Variants in SNRNP70 observed in about 807,000 individuals in gnomAD.
SNRNP70 encodes U1 small nuclear ribonucleoprotein 70 kDa.
Under a neutral mutation model 50.5 loss-of-function variants are expected in SNRNP70, and 8 were observed. That is an observed-to-expected ratio of 0.16 (90% confidence interval 0.09 to 0.29). The LOEUF is 0.29. Ranked by LOEUF, SNRNP70 falls within the 10% of genes least tolerant of loss-of-function variation. SNRNP70 has a pLI of 1.00. For synonymous variants in SNRNP70, 320 were observed against 252.9 expected (o/e 1.27, Z -2.52); for missense variants, 529 against 663.5 (o/e 0.80, Z 2.23).
intron 4 of SNRNP70, 194 bp downstream of exon 4, chr19:49,090,714 A>G: frequency 1.6e-6 from 1 of 609,032 alleles, no homozygotes; most frequent in Non-Finnish European, 2.9e-6. Flanking sequence ...AACATAGGGT[A>G]AAAGTTGGCA....
At chr19:49,095,818 C>T (rs1032089911) in intron 4 of SNRNP70, among the ~76,000 whole-genome samples, 7 of 152,030 alleles carry the variant, frequency 4.6e-5, no homozygotes, top group East Asian at 3.9e-4. Flanking sequence ...TGAGCCACTG[C>T]GCCCAGCACC....
At chr19:49,086,297 ATTCCG>A in intron 1 of SNRNP70, 103 bp from the exon 2 acceptor site, 1 of 1,314,046 alleles carries the variant, frequency 7.6e-7, no homozygotes, top group Non-Finnish European at 1.0e-6. Flanking sequence ...GCCTGTTTTA[ATTCCG>A]AGACTTTTCT....
chr19:49,101,244 A>G (rs1230900416), intron 6 of SNRNP70, 146 bp from the exon 7 acceptor site: 4 of 651,076 alleles, frequency 6.1e-6, no homozygotes, highest in Non-Finnish European at 1.1e-5. Flanking sequence ...TCCTGCCATT[A>G]GAACATAAGT....
chr19:49,094,774 T>G (rs1234567214), intron 4 of SNRNP70, among the ~76,000 whole-genome samples: 3 of 152,224 alleles, frequency 2.0e-5, no homozygotes, highest in Admixed American at 2.0e-4. Flanking sequence ...GCGCTTGTAC[T>G]TGGTGTTACT....
At chr19:49,097,191 C>T (rs1462174868) in intron 4 of SNRNP70, among the ~76,000 whole-genome samples, 3 of 152,030 alleles carry the variant, frequency 2.0e-5, no homozygotes, top group East Asian at 1.9e-4. Flanking sequence ...CACTGTCTTC[C>T]TGAAAAGGTA....
chr19:49,105,917 G>T (rs1312281830), intron 8 of SNRNP70, among the ~76,000 whole-genome samples: 2 of 152,178 alleles, frequency 1.3e-5, no homozygotes, highest in South Asian at 4.1e-4. Flanking sequence ...TTGTTTCGGG[G>T]TGGGCACATT....
intron 4 of SNRNP70, chr19:49,090,735 C>T (rs2040437349): frequency 1.7e-6 from 1 of 585,706 alleles, no homozygotes; most frequent in African/African-American, 1.9e-5. Context: ...GGAAGGGAGA[C>T]CCCTGGTACC....
chr19:49,094,612 T>G (rs527599991), intron 4 of SNRNP70, among the ~76,000 whole-genome samples: 2 of 152,310 alleles, frequency 1.3e-5, no homozygotes, highest in East Asian at 3.9e-4. Context: ...ATTAAATGCT[T>G]GAACTTCTCC....
Position 49,086,503 on chromosome 19 carries a change from A to G in SNRNP70, c.89A>G (p.His30Arg), listed in dbSNP as rs2040381690. The change falls in exon 2 of 10, where the codon CAT (histidine) becomes CGT (arginine). Residue 30 changes from histidine (H) to arginine (R), a missense_variant. His to Arg is a conservative substitution (Grantham distance 29, BLOSUM62 0). Transcript: ENST00000598441. ...CTGCCACCCCTGGAGAAACTGCCACATGAAAAACACCACAATCAACCTTAT... is the reference window on the plus strand; with the variant it reads ...CTGCCACCCCTGGAGAAACTGCCACGTGAAAAACACCACAATCAACCTTAT... Reference protein sequence around the residue: ...PYLPPLEKLPHEKHHNQPYCG... With the variant: ...PYLPPLEKLPREKHHNQPYCG... 6.2e-7 allele frequency: 1 copy of G among 1,613,984 alleles called. No individual in the cohort carries two copies. Among genetic ancestry groups the G allele is most frequent in the African/African-American group, 1.3e-5 (1 of 74,896 alleles).
intron 4 of SNRNP70, among the ~76,000 whole-genome samples, chr19:49,094,673 C>T (rs1241141484): frequency 6.6e-6 from 1 of 152,192 alleles, no homozygotes; most frequent in African/African-American, 2.4e-5. Flanking sequence ...GGTTTCTGTG[C>T]CCTTGAGAGC....
intron 4 of SNRNP70, among the ~76,000 whole-genome samples, chr19:49,093,222 T>C (rs1057502740): frequency 5.3e-5 from 8 of 151,988 alleles, no homozygotes; most frequent in Non-Finnish European, 1.2e-4. Context: ...CCTGAGTAGC[T>C]GGGATTACAG....
At position 49,108,244 on chromosome 19, in the gene SNRNP70, G is replaced by A. The variant is rs1352255240; in HGVS notation, c.1115G>A (p.Arg372His). Reference protein sequence around the residue: ...RERRRDRDRDRDRDREHKRGE... With the variant: ...RERRRDRDRDHDRDREHKRGE... ...CGGCGCCGGGACCGGGATCGTGACCGTGACCGTGACCGCGAGCACAAACGG... is the reference window on the plus strand; with the variant it reads ...CGGCGCCGGGACCGGGATCGTGACCATGACCGTGACCGCGAGCACAAACGG... The change falls in exon 10 of 10, where the codon CGT becomes CAT. Residue 372 changes from arginine (R) to histidine (H), a missense_variant. Arg to His is a conservative substitution (Grantham distance 29). Around this residue, in one of 4 missense-constraint regions of SNRNP70, gnomAD observed 327 missense variants for 308.8 expected, o/e 1.06. Coordinates refer to ENST00000598441, the MANE Select transcript of SNRNP70 (RefSeq NM_003089.6). The A allele has an allele frequency of 5.8e-6, 9 of 1,543,222 alleles. No individual in the cohort carries two copies. Among genetic ancestry groups the A allele is most frequent in the Non-Finnish European group, 7.0e-6 (8 of 1,144,120 alleles).
Position 49,107,964 on chromosome 19 carries a change from G to A in SNRNP70, c.835G>A (p.Glu279Lys). The A allele has an allele frequency of 6.5e-7, 1 of 1,547,906 alleles. No individual in the cohort carries two copies. Among genetic ancestry groups the A allele is most frequent in the Non-Finnish European group, 8.7e-7 (1 of 1,146,180 alleles). The change falls in exon 10 of 10, where the codon GAG (glutamate) becomes AAG (lysine). Residue 279 changes from glutamate to lysine, a missense_variant. By Grantham distance (56) the Glu-to-Lys change is moderately conservative. Coordinates refer to ENST00000598441, the MANE Select transcript of SNRNP70 (RefSeq NM_003089.6). The surrounding 1 kb of genome is among the most constrained non-coding windows in gnomAD (Gnocchi z 6.0). Reference sequence around the variant, plus strand: ...CAAGGAGGAGCGGAGGCGCTCCAGGGAGCGGAGCAAGGACAAGGACCGGGA... The same window carrying A: ...CAAGGAGGAGCGGAGGCGCTCCAGGAAGCGGAGCAAGGACAAGGACCGGGA... The part of the protein sequence containing the change: ...RDKEERRRSR[E>K]RSKDKDRDRK...
intron 2 of SNRNP70, among the ~76,000 whole-genome samples, chr19:49,088,325 C>T (rs1184486042): frequency 6.7e-6 from 1 of 148,646 alleles, no homozygotes; most frequent in East Asian, 2.0e-4. Flanking sequence ...GCCTCAGCCT[C>T]CCGAGTAGCT....
chr19:49,089,175 A>T (rs2040418129), intron 2 of SNRNP70, among the ~76,000 whole-genome samples: 1 of 152,188 alleles, frequency 6.6e-6, no homozygotes, highest in Non-Finnish European at 1.5e-5. Flanking sequence ...CTTTTTAAAG[A>T]AAGATCTACA....
chr19:49,091,300 C>T (rs1285947433), intron 4 of SNRNP70, among the ~76,000 whole-genome samples: 5 of 147,898 alleles, frequency 3.4e-5, no homozygotes, highest in Non-Finnish European at 5.9e-5. Context: ...ACCCAGAAGG[C>T]GGAGGTTGCA....
At chr19:49,099,247 T>C (rs767486928) in intron 6 of SNRNP70, among the ~76,000 whole-genome samples, 39 of 152,204 alleles carry the variant, frequency 2.6e-4, no homozygotes, top group Non-Finnish European at 5.3e-4. Context: ...ATGTTAGCCA[T>C]GTCTCTTCTC....
At chr19:49,090,108 G>T (rs1004666974) in intron 2 of SNRNP70, among the ~76,000 whole-genome samples, 183 bp from the exon 3 acceptor site, 1 of 151,772 alleles carries the variant, frequency 6.6e-6, no homozygotes, top group Non-Finnish European at 1.5e-5. Context: ...ACTGTGCGTG[G>T]CTGCAGACCT....
At chr19:49,088,448 T>G (rs1446051176) in intron 2 of SNRNP70, among the ~76,000 whole-genome samples, 1 of 149,084 alleles carries the variant, frequency 6.7e-6, no homozygotes, top group Admixed American at 6.7e-5. Context: ...ATCTGCCCAC[T>G]TTGGCCTTCC....
Sources: allele counts gnomAD v4.1 joint callset (sites outside exome capture counted in the v4.1 genomes callset), GRCh38; gene constraint gnomAD v4.1.1; regional missense constraint gnomAD v4.1.1; non-coding constraint Gnocchi (gnomAD v3.1); transcripts MANE v1.5; gene names NCBI Gene and HGNC (gene_info 2026-07-23, HGNC 2026-07-21).